CDH13: variants seen among roughly 807,000 people sequenced by gnomAD.
CDH13 encodes cadherin-13.
CDH13 carries 24 observed loss-of-function variants against 63.8 expected under a neutral mutation model. The ratio of observed to expected loss-of-function variants is 0.38; its 90% confidence interval spans 0.27 to 0.53. The LOEUF is 0.53. Ranked by LOEUF, CDH13 falls within the 20% of genes least tolerant of loss-of-function variation. The pLI, the probability that CDH13 is intolerant of heterozygous loss-of-function variation, is 0.85. For missense variants in CDH13, 1,049 were observed against 903.1 expected (o/e 1.16, Z -2.07); for synonymous variants, 503 against 355.3 (o/e 1.42, Z -4.67).
chr16:82,711,090 T>C (rs1023630977), intron 1 of CDH13, among the ~76,000 whole-genome samples: 1 of 152,126 alleles, frequency 6.6e-6, no homozygotes, highest in African/African-American at 2.4e-5. Flanking sequence ...TATGTCTGAA[T>C]ACCTCCTGGC....
intron 5 of CDH13, among the ~76,000 whole-genome samples, chr16:83,269,161 G>A (rs1445039573): frequency 1.3e-5 from 2 of 152,192 alleles, no homozygotes; most frequent in East Asian, 1.9e-4. Context: ...TTTTGGAAAT[G>A]TGAGGCTTCT....
rs35038319 is a variant in CDH13, at chr16:82,761,017, C to CT, written c.46-97316dup. On this transcript the variant is annotated intron_variant, in intron 1 of 13. Coordinates refer to ENST00000567109, the MANE Select transcript of CDH13 (RefSeq NM_001257.5). ...CTCTGGGGTTCACATTTCTTTCTTT[C>CT]TTTTTTTTTTTTTTTTTTTTTTTTT... Among the ~76,000 whole-genome samples, 33 of 40,476 alleles carry CT rather than the reference C, an allele frequency of 8.2e-4. 4 individuals carry two copies. Among genetic ancestry groups the CT allele is most frequent in the African/African-American group, 2.5e-3 (28 of 11,226 alleles). The allele number at this position is 40,476 out of a possible 152,430, so 26.6% of individuals were successfully genotyped here. A position where few individuals can be genotyped will look rare whatever the true frequency, so the allele number is the denominator to read the frequency against.
chr16:83,607,044 C>A (rs1417578412), intron 8 of CDH13, among the ~76,000 whole-genome samples: 1 of 151,950 alleles, frequency 6.6e-6, no homozygotes, highest in Non-Finnish European at 1.5e-5. Context: ...CAGTTGTCTT[C>A]AGTTGGTATG....
chr16:83,668,442 C>T (rs969487689), intron 8 of CDH13, among the ~76,000 whole-genome samples: 6 of 152,346 alleles, frequency 3.9e-5, no homozygotes, highest in East Asian at 3.9e-4. Context: ...GACATGACAG[C>T]GTTTCTACCT....
chr16:83,075,392 T>A (rs2032760580), intron 3 of CDH13, among the ~76,000 whole-genome samples: 1 of 152,234 alleles, frequency 6.6e-6, no homozygotes, highest in Non-Finnish European at 1.5e-5. Context: ...TAGTTACATG[T>A]AGCATGTGAG....
In CDH13 at chr16:83,101,509, G is replaced by A. The variant is rs566070546; in HGVS notation, c.367-23876G>A. Among the ~76,000 whole-genome samples, 4 of 151,892 alleles carry A rather than the reference G, an allele frequency of 2.6e-5. No individual in the cohort carries two copies. The East Asian group carries it at 7.8e-4, about 29-fold the overall frequency. On this transcript the variant is annotated intron_variant, in intron 3 of 13. Coordinates refer to ENST00000567109, the MANE Select transcript of CDH13 (RefSeq NM_001257.5). Reference sequence around the variant, plus strand: ...AAGGATGTTTTAGAAATACTGGGTAGAGGCTGGGCGTGGTGGCTAATGCCT... The same window carrying A: ...AAGGATGTTTTAGAAATACTGGGTAAAGGCTGGGCGTGGTGGCTAATGCCT...
At chr16:83,143,517 T>C (rs1379363803) in intron 4 of CDH13, among the ~76,000 whole-genome samples, 1 of 152,234 alleles carries the variant, frequency 6.6e-6, no homozygotes, top group Non-Finnish European at 1.5e-5. Context: ...TAAAAATATT[T>C]TGACAATGTG....
chr16:83,280,025 G>A (rs1475805194), intron 5 of CDH13, among the ~76,000 whole-genome samples: 1 of 152,176 alleles, frequency 6.6e-6, no homozygotes, highest in Admixed American at 6.5e-5. Context: ...CCGCAATGTT[G>A]ATGGCTGCAG....
At chr16:82,769,458 GGAA>G (rs544216491) in intron 1 of CDH13, among the ~76,000 whole-genome samples, 2 of 152,268 alleles carry the variant, frequency 1.3e-5, no homozygotes, top group Admixed American at 1.3e-4. Context: ...TCAGCATCAG[GGAA>G]GAAGAAGAAA....
At chr16:83,652,575 C>A (rs1555508744) in intron 8 of CDH13, among the ~76,000 whole-genome samples, 1 of 151,358 alleles carries the variant, frequency 6.6e-6, no homozygotes, top group South Asian at 2.1e-4. Flanking sequence ...TCATTGTACC[C>A]CCTCTTTACT....
At chr16:83,392,383 G>T (rs184619530) in intron 6 of CDH13, among the ~76,000 whole-genome samples, 267 of 152,302 alleles carry the variant, frequency 1.8e-3, no homozygotes, top group Middle Eastern at 3.4e-3. Flanking sequence ...ATTTATGATT[G>T]TTCCTAAAAT....
At chr16:82,732,645 A>G (rs891392874) in intron 1 of CDH13, among the ~76,000 whole-genome samples, 1 of 152,240 alleles carries the variant, frequency 6.6e-6, no homozygotes, top group African/African-American at 2.4e-5. Context: ...CCAAAAGCCA[A>G]GAGATAAAAG....
chr16:83,600,698 A>T (rs895776739), intron 7 of CDH13, among the ~76,000 whole-genome samples: 1 of 152,178 alleles, frequency 6.6e-6, no homozygotes, highest in Admixed American at 6.5e-5. Flanking sequence ...TATTTTTGTT[A>T]CTAAAGGTAG....
chr16:82,907,234 G>A (rs1040182619), intron 2 of CDH13, among the ~76,000 whole-genome samples: 3 of 152,076 alleles, frequency 2.0e-5, no homozygotes, highest in East Asian at 1.9e-4. Context: ...AGAAAAGAAC[G>A]CGAACCAAAG....
chr16:83,570,383 C>G (rs1567773070), intron 7 of CDH13, among the ~76,000 whole-genome samples: 1 of 152,140 alleles, frequency 6.6e-6, no homozygotes, highest in Non-Finnish European at 1.5e-5. Context: ...TCGGATGTGA[C>G]TCTGTGTCTG....
At position 82,823,882 on chromosome 16, in the gene CDH13, C is replaced by A. The variant is rs754369134; in HGVS notation, c.46-34480C>A. ...TATTAGGTGTTTTATCTTAGAAATT[C>A]ATGTATTCTCTTTCTACTAAAAAGC... On this transcript the variant is annotated intron_variant, in intron 1 of 13. Coordinates refer to ENST00000567109, the MANE Select transcript of CDH13 (RefSeq NM_001257.5). 7 of 152,184 alleles carry A rather than the reference C, an allele frequency of 4.6e-5. No individual in the cohort carries two copies. In the South Asian group the frequency reaches 1.5e-3, roughly 32 times the overall value. The allele number at this position is 152,184 out of a possible 1,614,324, so 9.4% of individuals were successfully genotyped here.
At chr16:83,434,895 A>G (rs1300289381) in intron 6 of CDH13, among the ~76,000 whole-genome samples, 1 of 57,686 alleles carries the variant, frequency 1.7e-5, no homozygotes, top group Non-Finnish European at 3.6e-5. Context: ...GTGTATTTAA[A>G]ATAAACCCCT....
chr16:82,877,202 C>G (rs779588609), intron 2 of CDH13, among the ~76,000 whole-genome samples: 1 of 152,126 alleles, frequency 6.6e-6, no homozygotes, highest in Non-Finnish European at 1.5e-5. Flanking sequence ...TTCATGACAT[C>G]TTGATTTAAG....
At chr16:83,189,756 G>C (rs2038639004) in intron 4 of CDH13, among the ~76,000 whole-genome samples, 1 of 152,196 alleles carries the variant, frequency 6.6e-6, no homozygotes, top group African/African-American at 2.4e-5. Flanking sequence ...CTCTGAGCCT[G>C]GTGTGGTTTG....
Sources: allele counts gnomAD v4.1 joint callset (sites outside exome capture counted in the v4.1 genomes callset), GRCh38; gene constraint gnomAD v4.1.1; transcripts MANE v1.5; gene names NCBI Gene and HGNC (gene_info 2026-07-23, HGNC 2026-07-21).